DGKH: variants seen among roughly 807,000 people sequenced by gnomAD.
The protein encoded by DGKH is DAG kinase eta.
DGKH carries 90 observed loss-of-function variants against 159.3 expected under a neutral mutation model. The ratio of observed to expected loss-of-function variants is 0.57; its 90% CI spans 0.48 to 0.67. The LOEUF is 0.67. Among genes scored for constraint, DGKH ranks in the 30% least tolerant of loss-of-function variants. DGKH has a pLI of 0.00. For synonymous variants in DGKH, 536 were observed against 553.8 expected, an observed-to-expected ratio of 0.97 and a Z score of 0.45; for missense variants, 1,181 against 1,506.1, an observed-to-expected ratio of 0.78 and a Z score of 3.57.
chr13:42,151,686 T>C (rs1446335944), intron 3 of DGKH, among the ~76,000 whole-genome samples: 1 of 151,432 alleles, frequency 6.6e-6, no homozygotes, highest in Non-Finnish European at 1.5e-5. Context: ...TGCAATCATC[T>C]GTTGATGGAT....
At chr13:42,146,738 A>G (rs1955744650) in intron 3 of DGKH, among the ~76,000 whole-genome samples, 1 of 152,224 alleles carries the variant, frequency 6.6e-6, no homozygotes, top group Non-Finnish European at 1.5e-5. Context: ...TCAACAGAGC[A>G]TATAGTTGTT....
At chr13:42,048,568 G>A (rs1377083949), upstream of DGKH, among the ~76,000 whole-genome samples, 1 of 152,200 alleles carries the variant, frequency 6.6e-6, no homozygotes, top group Non-Finnish European at 1.5e-5. This position sits in a 1 kb window ranked among gnomAD's most constrained non-coding sequence, Gnocchi z 6.7. Context: ...CGCTCCGGCG[G>A]GAACCGAGCG....
intron 1 of DGKH, among the ~76,000 whole-genome samples, chr13:42,068,562 T>A (rs1400758567): frequency 6.6e-6 from 1 of 152,222 alleles, no homozygotes; most frequent in African/African-American, 2.4e-5. Flanking sequence ...ATGAAAAATG[T>A]CTTAGGATAA....
intron 25 of DGKH, 49 bp from the exon 26 acceptor site, chr13:42,215,526 A>C: frequency 7.4e-7 from 1 of 1,356,384 alleles, no homozygotes; most frequent in Middle Eastern, 1.9e-4. Flanking sequence ...ATGGTAATGA[A>C]ATCCTATTTT....
rs1408259712 is a variant in DGKH, at chr13:42,240,479, C to A, written c.*11291C>A. On this transcript the variant is annotated 3_prime_UTR_variant, in exon 30 of 30. Transcript: ENST00000337343. ...AAAGATCATCTTTCTCTTTTATAGA[C>A]ATTTAGTGTATACAGTCCACATAAA... The A allele has an allele frequency of 6.6e-6, 1 of 152,146 alleles. No individual in the cohort carries two copies. The highest frequency in any genetic ancestry group is 1.5e-5 in the Non-Finnish European group (1 of 68,028). The allele number at this position is 152,146 out of a possible 1,614,324, so 9.4% of individuals were successfully genotyped here.
At chr13:42,208,201 G>C (rs2138193669) in intron 21 of DGKH, among the ~76,000 whole-genome samples, 1 of 152,194 alleles carries the variant, frequency 6.6e-6, no homozygotes, top group South Asian at 2.1e-4. Flanking sequence ...TTTGTGTCCT[G>C]ATATTTTCAG....
Position 42,219,364 on chromosome 13 carries a change from G to A in DGKH, c.3333+15G>A. ...ATGAGGATGAGGTATGTAAAATTCAGCCTGTTTCTCTAGAAATGTAGACCA... is the reference window on the plus strand; with the variant it reads ...ATGAGGATGAGGTATGTAAAATTCAACCTGTTTCTCTAGAAATGTAGACCA... On this transcript the variant is annotated intron_variant, in intron 27 of 29. Coordinates refer to ENST00000337343, the MANE Select transcript of DGKH (RefSeq NM_178009.5). The A allele has an allele frequency of 6.2e-7, 1 of 1,612,436 alleles. No homozygotes were observed.
exon 30 of DGKH, chr13:42,252,415 TA>T (rs1051968455): frequency 1.3e-5 from 2 of 152,116 alleles, no homozygotes; most frequent in African/African-American, 4.8e-5. Context: ...TTAGAGGATA[TA>T]TATGAGTTCA....
chr13:42,061,988 G>GGTGTGTGTGTGTGT (rs60863220), intron 1 of DGKH, among the ~76,000 whole-genome samples: 6,410 of 149,730 alleles, frequency 0.043, 181 homozygotes, highest in Middle Eastern at 0.1. Context: ...TGTGTGTGTG[G>GGTGTGTGTGTGTGT]GTGTGTGTGT....
At chr13:42,128,977 C>G (rs923251999) in intron 2 of DGKH, among the ~76,000 whole-genome samples, 22 of 152,196 alleles carry the variant, frequency 1.4e-4, no homozygotes, top group Admixed American at 1.2e-3. Context: ...AAGTGGGAAG[C>G]CTACATTTAT....
intron 1 of DGKH, among the ~76,000 whole-genome samples, chr13:42,113,990 T>C (rs1954918804): frequency 6.6e-6 from 1 of 152,112 alleles, no homozygotes; most frequent in African/African-American, 2.4e-5. Context: ...TATGGAAGGA[T>C]AGAAAATCTA....
intron 1 of DGKH, among the ~76,000 whole-genome samples, chr13:42,119,600 T>C (rs1225384042): frequency 2.0e-5 from 3 of 152,242 alleles, no homozygotes; most frequent in African/African-American, 7.2e-5. Context: ...TTTTTAGCTC[T>C]TATCCCAAGG....
chr13:42,216,191 G>T (rs560707071), intron 26 of DGKH, among the ~76,000 whole-genome samples: 1 of 152,330 alleles, frequency 6.6e-6, no homozygotes, highest in South Asian at 2.1e-4. Flanking sequence ...ACAGTCCATG[G>T]ATCTCAAGCA....
At chr13:42,164,699 T>C (rs1174710847) in intron 7 of DGKH, among the ~76,000 whole-genome samples, 1 of 152,198 alleles carries the variant, frequency 6.6e-6, no homozygotes, top group Non-Finnish European at 1.5e-5. Flanking sequence ...GAAACTCATT[T>C]CTACTGAAAG....
chr13:42,207,552 G>C (rs1957537051), intron 21 of DGKH, among the ~76,000 whole-genome samples: 1 of 151,686 alleles, frequency 6.6e-6, no homozygotes, highest in African/African-American at 2.4e-5. Context: ...GAAATATCAA[G>C]AGGGCTCATT....
intron 1 of DGKH, among the ~76,000 whole-genome samples, chr13:42,123,674 T>C (rs1955117815): frequency 6.6e-6 from 1 of 152,194 alleles, no homozygotes; most frequent in Non-Finnish European, 1.5e-5. Context: ...AAAAATGGAC[T>C]AAAGATTCAA....
intron 3 of DGKH, 90 bp downstream of exon 3, chr13:42,129,722 G>A: frequency 8.2e-7 from 1 of 1,212,388 alleles, no homozygotes; most frequent in Non-Finnish European, 1.2e-6. Flanking sequence ...ATTACAAACT[G>A]TTGCTAACTT....
At chr13:42,050,923 A>G (rs971252864) in intron 1 of DGKH, among the ~76,000 whole-genome samples, 1 of 152,254 alleles carries the variant, frequency 6.6e-6, no homozygotes, top group African/African-American at 2.4e-5. Context: ...TCAAAATTCC[A>G]TGCATACTTA....
At chr13:42,133,005 A>T (rs951962204) in intron 3 of DGKH, among the ~76,000 whole-genome samples, 1 of 151,412 alleles carries the variant, frequency 6.6e-6, no homozygotes, top group South Asian at 2.1e-4. Context: ...CGTCTTTACT[A>T]AAAAAAATAC....
Sources: allele counts gnomAD v4.1 joint callset (sites outside exome capture counted in the v4.1 genomes callset), GRCh38; gene constraint gnomAD v4.1.1; non-coding constraint Gnocchi (gnomAD v3.1); transcripts MANE v1.5; gene names NCBI Gene and HGNC (gene_info 2026-07-23, HGNC 2026-07-21).